Variants in KLHL3 observed in about 807,000 individuals in gnomAD.
KLHL3 encodes the protein kelch-like protein 3.
KLHL3 carries 19 observed loss-of-function variants against 70.5 expected under a neutral mutation model. The observed-to-expected ratio is 0.27, with a 90% CI of 0.19 to 0.40. KLHL3 has a LOEUF of 0.40. Ranked by LOEUF, KLHL3 falls within the 10% of genes least tolerant of loss-of-function variation. The probability of loss-of-function intolerance (pLI) is 1.00; values close to 1 mark genes in which losing one functional copy is unlikely to be tolerated. For missense variants in KLHL3, 512 were observed against 771.1 expected (o/e 0.66, Z 3.98); for synonymous variants, 258 against 290.3 (o/e 0.89, Z 1.13).
intron 3 of KLHL3, among the ~76,000 whole-genome samples, chr5:137,701,601 A>G (rs1159342401): frequency 6.6e-6 from 1 of 152,232 alleles, no homozygotes; most frequent in African/African-American, 2.4e-5. Context: ...CTTGGCATAA[A>G]ACAAGCATTG....
chr5:137,664,194 A>G (rs2149899304), intron 6 of KLHL3, among the ~76,000 whole-genome samples: 1 of 151,992 alleles, frequency 6.6e-6, no homozygotes, highest in African/African-American at 2.4e-5. Context: ...TCTACAAGAT[A>G]CAAAAATCAG....
chr5:137,636,098 G>T (rs1750760062), intron 11 of KLHL3, among the ~76,000 whole-genome samples: 1 of 152,202 alleles, frequency 6.6e-6, no homozygotes, highest in South Asian at 2.1e-4. Context: ...TCCACCAAGA[G>T]AATGAGATTG....
intron 1 of KLHL3, among the ~76,000 whole-genome samples, chr5:137,729,155 A>G (rs920053817): frequency 3.9e-5 from 6 of 152,150 alleles, no homozygotes; most frequent in African/African-American, 7.2e-5. Context: ...ATGAGCTGAT[A>G]CTGGCCACAT....
intron 5 of KLHL3, among the ~76,000 whole-genome samples, chr5:137,682,434 AGGC>A (rs1752054609): frequency 2.0e-5 from 3 of 148,346 alleles, no homozygotes; most frequent in African/African-American, 7.4e-5. Context: ...AGAGAGAGAG[AGGC>A]ATAGACAGAG....
chr5:137,671,158 T>C (rs756505153), intron 6 of KLHL3, among the ~76,000 whole-genome samples: 1 of 152,064 alleles, frequency 6.6e-6, no homozygotes, highest in Non-Finnish European at 1.5e-5. Context: ...GGTCCTTGAT[T>C]CTTATCACAG....
At position 137,661,933 on chromosome 5, in the gene KLHL3, A is replaced by G. The variant is rs1249586623; in HGVS notation, c.735T>C (p.Pro245=). ...LMEHVRLPLL[P]RDYLVQTVEE... is the part of the protein sequence containing the mutation. ...CACTCACTTGGACTAGGTAGTCCCT[A>G]GGTAAGAGAGGAAGTCGGACATGTT... Residue 245 remains proline (P), a synonymous_variant, in exon 7 of 15, where the codon CCT becomes CCC. Coordinates refer to ENST00000309755, the MANE Select transcript of KLHL3 (RefSeq NM_017415.3). The G allele has an allele frequency of 6.2e-7, 1 of 1,600,854 alleles. No individual in the cohort carries two copies. Among genetic ancestry groups the G allele is most frequent in the Admixed American group, 1.7e-5 (1 of 59,982 alleles).
chr5:137,660,122 G>GTTTT (rs1160409880), intron 7 of KLHL3, among the ~76,000 whole-genome samples: 2 of 152,140 alleles, frequency 1.3e-5, no homozygotes, highest in African/African-American at 4.8e-5. Context: ...CCTGATAAAA[G>GTTTT]GCCTTTCTGC....
chr5:137,638,384 G>A (rs1298627607), intron 10 of KLHL3, among the ~76,000 whole-genome samples: 1 of 152,200 alleles, frequency 6.6e-6, no homozygotes, highest in African/African-American at 2.4e-5. Context: ...CTACCTGGCA[G>A]TATAAGCAGA....
intron 6 of KLHL3, among the ~76,000 whole-genome samples, chr5:137,670,951 C>G (rs1380229964): frequency 9.2e-6 from 1 of 109,168 alleles, no homozygotes; most frequent in Non-Finnish European, 1.8e-5. Context: ...CCAGCCTGGG[C>G]AAAGAGCGAG....
chr5:137,730,367 G>C (rs73790043), intron 1 of KLHL3, among the ~76,000 whole-genome samples: 5,537 of 152,230 alleles, frequency 0.036, 322 homozygotes, highest in African/African-American at 0.12. Context: ...AATCTCCTAG[G>C]ACCTGTGATA....
chr5:137,666,106 G>A (rs1258606388), intron 6 of KLHL3, among the ~76,000 whole-genome samples: 1 of 152,114 alleles, frequency 6.6e-6, no homozygotes, highest in Non-Finnish European at 1.5e-5. Flanking sequence ...ATCCATGAGA[G>A]ACCTTGTCTT....
At chr5:137,723,527 TTA>T (rs1179005007) in intron 1 of KLHL3, among the ~76,000 whole-genome samples, 1 of 152,228 alleles carries the variant, frequency 6.6e-6, no homozygotes, top group Non-Finnish European at 1.5e-5. Context: ...TATTTTTAAA[TTA>T]TGTTTTCTGA....
At chr5:137,689,381 A>T (rs188591229) in intron 5 of KLHL3, among the ~76,000 whole-genome samples, 22 of 152,374 alleles carry the variant, frequency 1.4e-4, no homozygotes, top group African/African-American at 4.8e-4. Flanking sequence ...ACATGCACAC[A>T]TATGTTCATT....
intron 6 of KLHL3, among the ~76,000 whole-genome samples, chr5:137,670,685 C>T (rs1295883323): frequency 1.3e-5 from 2 of 151,944 alleles, no homozygotes; most frequent in Admixed American, 1.3e-4. Flanking sequence ...AACAAAAAAA[C>T]CTGGCCAAGT....
intron 8 of KLHL3, among the ~76,000 whole-genome samples, chr5:137,657,330 C>A (rs1751368306): frequency 6.6e-6 from 1 of 152,154 alleles, no homozygotes. Flanking sequence ...CACCTTTCCT[C>A]CTGGGTTGAC....
At chr5:137,688,895 A>C (rs2905597) in intron 5 of KLHL3, among the ~76,000 whole-genome samples, 1 of 152,126 alleles carries the variant, frequency 6.6e-6, no homozygotes, top group Admixed American at 6.5e-5. Flanking sequence ...CCCATAATGC[A>C]GACAGAACTC....
chr5:137,627,480 C>G lies in KLHL3; in HGVS notation c.1591+817G>C, dbSNP rs560997670. Among the ~76,000 whole-genome samples, 291 of 122,702 alleles carry G rather than the reference C, an allele frequency of 2.4e-3. 35 individuals are homozygous for G. Among genetic ancestry groups the G allele is most frequent in the African/African-American group, 7.4e-3 (264 of 35,768 alleles). 80.5% of individuals were successfully genotyped at this position (122,702 alleles called of 152,430 possible). A position where few individuals can be genotyped will look rare whatever the true frequency, so the allele number is the denominator to read the frequency against. On this transcript the variant is annotated intron_variant, in intron 13 of 14. Coordinates refer to ENST00000309755, the MANE Select transcript of KLHL3 (RefSeq NM_017415.3). ...GAGTAAATTAGTAAATATCACCACC[C>G]CCCCCCCCGGTTTACACTTCCAAGT...
chr5:137,638,808 C>G, intron 10 of KLHL3, 145 bp downstream of exon 10: 1 of 752,118 alleles, frequency 1.3e-6, no homozygotes, highest in African/African-American at 1.7e-5. Flanking sequence ...CACCCAAAAG[C>G]TGGATGAGGA....
At chr5:137,678,616 T>C (rs1326984348) in intron 5 of KLHL3, among the ~76,000 whole-genome samples, 1 of 152,218 alleles carries the variant, frequency 6.6e-6, no homozygotes, top group Admixed American at 6.5e-5. Flanking sequence ...CCACTGCACC[T>C]GACTTCATCA....
Sources: gnomAD v4.1 joint callset for allele counts (sites outside exome capture counted in the v4.1 genomes callset) on GRCh38, gnomAD v4.1.1 for gene constraint, MANE v1.5 for transcripts, NCBI Gene and HGNC (gene_info 2026-07-23, HGNC 2026-07-21) for gene names.